KCNIP4: variants seen among roughly 807,000 people sequenced by gnomAD.
KCNIP4 encodes the protein potassium voltage-gated channel interacting protein 4.
A neutral mutation model predicts 34.0 loss-of-function variants in KCNIP4; 12 were observed. The observed-to-expected ratio is 0.35, with a 90% CI of 0.23 to 0.57. The LOEUF (loss-of-function observed/expected upper bound fraction) is 0.57, where lower values mean the gene tolerates loss of function less well. KCNIP4 is among the 20% of genes least tolerant of loss of function. The pLI is 0.83. For synonymous variants in KCNIP4, 124 were observed against 102.2 expected, an observed-to-expected ratio of 1.21 and a Z score of -1.29; for missense variants, 238 against 311.7, an observed-to-expected ratio of 0.76 and a Z score of 1.78.
At chr4:21,497,149 T>A (rs1732917959) in intron 1 of KCNIP4, among the ~76,000 whole-genome samples, 1 of 152,180 alleles carries the variant, frequency 6.6e-6, no homozygotes, top group Non-Finnish European at 1.5e-5. Flanking sequence ...TGAGACTCAA[T>A]GGGACACTAT....
At chr4:20,896,898 G>T (rs960876882) in intron 1 of KCNIP4, among the ~76,000 whole-genome samples, 1 of 151,468 alleles carries the variant, frequency 6.6e-6, no homozygotes, top group African/African-American at 2.4e-5. Flanking sequence ...GTAAGACAAG[G>T]GGCTCTACTT....
chr4:21,496,378 C>T (rs1254300050), intron 1 of KCNIP4, among the ~76,000 whole-genome samples: 1 of 152,132 alleles, frequency 6.6e-6, no homozygotes, highest in East Asian at 1.9e-4. Context: ...TGGGACAGCT[C>T]AGCTTGGGGA....
chr4:21,652,268 T>A (rs967702497), intron 1 of KCNIP4, among the ~76,000 whole-genome samples: 2 of 152,194 alleles, frequency 1.3e-5, no homozygotes, highest in African/African-American at 4.8e-5. Context: ...CAGCAACTTA[T>A]TCATTTTACA....
At chr4:21,804,862 A>G (rs1406309767) in intron 1 of KCNIP4, among the ~76,000 whole-genome samples, 2 of 152,182 alleles carry the variant, frequency 1.3e-5, no homozygotes, top group African/African-American at 4.8e-5. Context: ...ACTAACAAAC[A>G]ATATATTGAA....
intron 8 of KCNIP4, among the ~76,000 whole-genome samples, chr4:20,730,437 G>A (rs1443478115): frequency 6.6e-6 from 1 of 152,078 alleles, no homozygotes; most frequent in African/African-American, 2.4e-5. Context: ...AAACTACAGA[G>A]GTGCAGAGGT....
At chr4:21,049,556 G>A (rs1196615913) in intron 1 of KCNIP4, among the ~76,000 whole-genome samples, 1 of 152,164 alleles carries the variant, frequency 6.6e-6, no homozygotes, top group East Asian at 1.9e-4. Context: ...ATGTACAAGT[G>A]TTTCTATTCT....
chr4:21,374,023 G>GAATAGAAGCAACATTAGCACTATGTTAGT (rs1720737477), intron 1 of KCNIP4, among the ~76,000 whole-genome samples: 1 of 147,332 alleles, frequency 6.8e-6, no homozygotes, highest in Admixed American at 6.6e-5. Context: ...CTCATTTTTA[G>GAATAGAAGCAACATTAGCACTATGTTAGT]AATAGAAGCA....
intron 1 of KCNIP4, among the ~76,000 whole-genome samples, chr4:21,550,257 G>C (rs1738465183): frequency 6.6e-6 from 1 of 152,052 alleles, no homozygotes; most frequent in Non-Finnish European, 1.5e-5. Flanking sequence ...ATAGCCAATG[G>C]GAGAAAGGGA....
At chr4:21,779,158 A>G (rs1347786389) in intron 1 of KCNIP4, among the ~76,000 whole-genome samples, 1 of 152,216 alleles carries the variant, frequency 6.6e-6, no homozygotes, top group East Asian at 1.9e-4. Context: ...AAAGACATTT[A>G]GAAATATGTA....
In KCNIP4 at chr4:20,933,517, T is replaced by C. The variant is rs1730708608; in HGVS notation, c.62-50808A>G. On this transcript the variant is annotated intron_variant, in intron 1 of 8. Coordinates refer to ENST00000382152, the MANE Select transcript of KCNIP4 (RefSeq NM_025221.6). The stretch of plus-strand genomic sequence containing the variant: ...GCTTTCCAAAGGGGTAATACAGAAG[T>C]TGGACTATCATTACATGGTTTCACA... Among the ~76,000 whole-genome samples, 2 of 152,084 alleles carry C rather than the reference T, an allele frequency of 1.3e-5. 1 individual carries two copies. Among genetic ancestry groups the C allele is most frequent in the South Asian group, 4.1e-4 (2 of 4,832 alleles).
At chr4:21,896,240 T>C (rs1404745517) in intron 1 of KCNIP4, among the ~76,000 whole-genome samples, 3 of 152,190 alleles carry the variant, frequency 2.0e-5, no homozygotes, top group African/African-American at 7.2e-5. Flanking sequence ...TCTCTTAGAA[T>C]GTACACTTTC....
intron 1 of KCNIP4, among the ~76,000 whole-genome samples, chr4:20,925,569 G>T (rs940237925): frequency 6.6e-6 from 1 of 152,126 alleles, no homozygotes; most frequent in Non-Finnish European, 1.5e-5. Context: ...GCCCTCAGGG[G>T]CTGCTCTGTC....
intron 1 of KCNIP4, among the ~76,000 whole-genome samples, chr4:21,694,970 G>GA (rs901488062): frequency 8.0e-6 from 1 of 125,688 alleles, no homozygotes; most frequent in African/African-American, 3.1e-5. Flanking sequence ...TTGGTAAAAA[G>GA]AAAAAAAATC....
rs564210790 is a variant in KCNIP4, at chr4:21,104,840, A to G, written c.62-222131T>C. Among the ~76,000 whole-genome samples, 789 of 151,796 alleles carry G rather than the reference A, an allele frequency of 5.2e-3. 30 individuals are homozygous for G. Among genetic ancestry groups the G allele is most frequent in the African/African-American group, 0.017 (719 of 41,086 alleles). ...CTAGCCAGTTTTCCCAGCACCATTT[A>G]TTAAATAGGGAATCCTTTCCCCATT... On this transcript the variant is annotated intron_variant, in intron 1 of 8. Transcript: ENST00000382152.
intron 1 of KCNIP4, among the ~76,000 whole-genome samples, chr4:21,071,609 T>C (rs1560695052): frequency 6.6e-6 from 1 of 152,206 alleles, no homozygotes; most frequent in Non-Finnish European, 1.5e-5. Flanking sequence ...TATGTGTATA[T>C]ATATCTGTTG....
At chr4:21,946,267 T>C (rs1046576679) in intron 1 of KCNIP4, among the ~76,000 whole-genome samples, 1 of 151,850 alleles carries the variant, frequency 6.6e-6, no homozygotes, top group African/African-American at 2.4e-5. Context: ...TTCTCTATCA[T>C]CCACCTACAT....
At chr4:21,031,399 A>G (rs537288565) in intron 1 of KCNIP4, among the ~76,000 whole-genome samples, 2 of 152,336 alleles carry the variant, frequency 1.3e-5, no homozygotes, top group African/African-American at 4.8e-5. Flanking sequence ...TTTACAAATC[A>G]CAGTGAGTGG....
chr4:21,944,107 A>G (rs4325996), intron 1 of KCNIP4, among the ~76,000 whole-genome samples: 44,924 of 151,930 alleles, frequency 0.3, 7,932 homozygotes, highest in Non-Finnish European at 0.4. Flanking sequence ...GGAGCAGACT[A>G]TACACTCAAG....
At chr4:21,856,500 C>G (rs1724763806) in intron 1 of KCNIP4, among the ~76,000 whole-genome samples, 1 of 152,188 alleles carries the variant, frequency 6.6e-6, no homozygotes, top group South Asian at 2.1e-4. Context: ...AAGCCAGGAA[C>G]AGGCGGAAGC....
Sources: gnomAD v4.1 joint callset for allele counts (sites outside exome capture counted in the v4.1 genomes callset) on GRCh38, gnomAD v4.1.1 for gene constraint, MANE v1.5 for transcripts, NCBI Gene and HGNC (gene_info 2026-07-23, HGNC 2026-07-21) for gene names.